The following SGMS2 variants were observed in gnomAD, a reference collection of about 807,000 sequenced individuals.
SGMS2 encodes the protein sphingomyelin synthase 2, also known as phosphatidylcholine:ceramide cholinephosphotransferase 2.
SGMS2 carries 21 observed loss-of-function variants against 43.8 expected under a neutral mutation model. The observed-to-expected ratio is 0.48, with a 90% CI of 0.34 to 0.69. The LOEUF is 0.69. SGMS2 is among the 30% of genes least tolerant of loss of function. The pLI is 0.01. For missense variants in SGMS2, 384 were observed against 443.2 expected (o/e 0.87, Z 1.20); for synonymous variants, 167 against 160.6 (o/e 1.04, Z -0.30).
At chr4:107,889,615 C>T (rs115890430) in intron 2 of SGMS2, among the ~76,000 whole-genome samples, 12,305 of 152,110 alleles carry the variant, frequency 0.081, 580 homozygotes, top group Middle Eastern at 0.11. Flanking sequence ...AATGCATAGA[C>T]ATGTTAGGCA....
intron 2 of SGMS2, among the ~76,000 whole-genome samples, chr4:107,885,446 G>C (rs1729673163): frequency 6.6e-6 from 1 of 152,110 alleles, no homozygotes; most frequent in South Asian, 2.1e-4. Context: ...GTATAGTTAG[G>C]CTCTTTTGAT....
intron 4 of SGMS2, among the ~76,000 whole-genome samples, chr4:107,902,707 C>A (rs1341562989): frequency 2.0e-5 from 3 of 152,182 alleles, no homozygotes; most frequent in Non-Finnish European, 4.4e-5. Context: ...CATTTTCAAA[C>A]CTATTTAAAT....
chr4:107,847,517 C>A (rs998145207), intron 1 of SGMS2, among the ~76,000 whole-genome samples: 5 of 151,604 alleles, frequency 3.3e-5, no homozygotes, highest in Non-Finnish European at 7.4e-5. Context: ...GTTACTGTAG[C>A]CTTGTAGTAT....
intron 3 of SGMS2, among the ~76,000 whole-genome samples, chr4:107,897,624 G>A (rs1400195737): frequency 6.6e-6 from 1 of 152,120 alleles, no homozygotes; most frequent in Non-Finnish European, 1.5e-5. Context: ...TCATTAGATA[G>A]TTATTATTAA....
chr4:107,881,053 G>C (rs1168939250), intron 2 of SGMS2, among the ~76,000 whole-genome samples: 2 of 152,016 alleles, frequency 1.3e-5, no homozygotes, highest in African/African-American at 4.8e-5. Flanking sequence ...GGGTGATAGG[G>C]AAATTTTTAA....
chr4:107,882,629 A>G (rs962511495), intron 2 of SGMS2, among the ~76,000 whole-genome samples: 13 of 152,216 alleles, frequency 8.5e-5, no homozygotes, highest in African/African-American at 2.7e-4. Flanking sequence ...TATAGTGATT[A>G]ATTAGATAAT....
intron 1 of SGMS2, among the ~76,000 whole-genome samples, chr4:107,840,661 C>T (rs1450608215): frequency 1.3e-5 from 2 of 152,172 alleles, no homozygotes; most frequent in Non-Finnish European, 1.5e-5. Context: ...CTAACACCTT[C>T]CTCTTAATAT....
rs2126175915 is a variant in SGMS2, at chr4:107,913,816, T to A, written c.*3263T>A. The stretch of plus-strand genomic sequence containing the variant: ...AACACCAAATTTGTTGTCTTGGTTT[T>A]TTTTACATGACAGAACTCATGCAGT... On this transcript the variant is annotated 3_prime_UTR_variant, in exon 7 of 7. Coordinates refer to ENST00000690982, the MANE Select transcript of SGMS2 (RefSeq NM_001375905.1). 1 of 152,332 alleles carries A rather than the reference T, an allele frequency of 6.6e-6. No homozygotes were observed. 9.4% of individuals were successfully genotyped at this position (152,332 alleles called of 1,614,324 possible).
intron 1 of SGMS2, among the ~76,000 whole-genome samples, chr4:107,830,649 C>A (rs10034978): frequency 0.19 from 28,315 of 152,014 alleles, 3,484 homozygotes; most frequent in African/African-American, 0.35. Context: ...GCATTGTTTC[C>A]TATGCTTGTT....
intron 1 of SGMS2, among the ~76,000 whole-genome samples, chr4:107,858,012 C>CG (rs1210319153): frequency 6.6e-6 from 1 of 151,716 alleles, no homozygotes; most frequent in Non-Finnish European, 1.5e-5. Context: ...GCTGCCCCAC[C>CG]CCCCCCATCC....
chr4:107,890,435 G>A (rs1730108807), intron 2 of SGMS2, among the ~76,000 whole-genome samples: 1 of 152,160 alleles, frequency 6.6e-6, no homozygotes, highest in South Asian at 2.1e-4. Flanking sequence ...AGCACTTTGG[G>A]AGGCCAAGGC....
intron 2 of SGMS2, chr4:107,873,199 C>G (rs1228805392): frequency 1.3e-5 from 2 of 152,146 alleles, no homozygotes; most frequent in Non-Finnish European, 2.9e-5. Flanking sequence ...ATGAGACATT[C>G]TGTAGGAAGT....
chr4:107,910,604 C>T lies in SGMS2; in HGVS notation c.*51C>T. 6.5e-7 allele frequency: 1 copy of T among 1,547,368 alleles called. No homozygotes were observed. On this transcript the variant is annotated 3_prime_UTR_variant, in exon 7 of 7. Transcript: ENST00000690982. Reference sequence around the variant, plus strand: ...TACACCAAAAGAGTTAACGCTGTAACCAAAGGTATAGTTTTGTTTTTTATT... The same window carrying T: ...TACACCAAAAGAGTTAACGCTGTAATCAAAGGTATAGTTTTGTTTTTTATT...
intron 5 of SGMS2, among the ~76,000 whole-genome samples, chr4:107,904,922 C>T (rs1260092219): frequency 6.6e-6 from 1 of 151,674 alleles, no homozygotes; most frequent in Non-Finnish European, 1.5e-5. Flanking sequence ...AGGATCTTCT[C>T]TATAATCTGA....
intron 2 of SGMS2, among the ~76,000 whole-genome samples, chr4:107,891,069 A>T (rs1560663571): frequency 1.3e-5 from 2 of 152,026 alleles, no homozygotes; most frequent in Non-Finnish European, 2.9e-5. Context: ...CCCCTTAAGT[A>T]GTCAAAATTA....
intron 4 of SGMS2, among the ~76,000 whole-genome samples, chr4:107,901,303 G>A (rs1291745194): frequency 6.6e-6 from 1 of 152,194 alleles, no homozygotes. Flanking sequence ...TTGACTAGAG[G>A]TGAGGTGCTT....
At chr4:107,890,959 A>G (rs1028056264) in intron 2 of SGMS2, among the ~76,000 whole-genome samples, 3 of 152,186 alleles carry the variant, frequency 2.0e-5, no homozygotes, top group Admixed American at 6.6e-5. Flanking sequence ...GTGGGAAAAA[A>G]AAGGCAGAAC....
At chr4:107,830,935 A>C (rs1725855870) in intron 1 of SGMS2, among the ~76,000 whole-genome samples, 1 of 152,114 alleles carries the variant, frequency 6.6e-6, no homozygotes, top group Admixed American at 6.6e-5. Context: ...AGTGTTGATA[A>C]ATAGTGGTGG....
intron 1 of SGMS2, among the ~76,000 whole-genome samples, chr4:107,834,283 G>C (rs1247029287): frequency 2.6e-5 from 4 of 152,148 alleles, no homozygotes; most frequent in Non-Finnish European, 4.4e-5. Context: ...ACCACTTTGT[G>C]GGAGGGAGAG....
Sources: gnomAD v4.1 joint callset for allele counts (sites outside exome capture counted in the v4.1 genomes callset) on GRCh38, gnomAD v4.1.1 for gene constraint, MANE v1.5 for transcripts, NCBI Gene and HGNC (gene_info 2026-07-23, HGNC 2026-07-21) for gene names.